HERC6: variants seen among roughly 807,000 people sequenced by gnomAD.
The protein encoded by HERC6 is HECT and RLD domain containing E3 ubiquitin protein ligase family member 6, also known as probable E3 ubiquitin-protein ligase HERC6.
A neutral mutation model predicts 114.5 loss-of-function variants in HERC6; 101 were observed. The ratio of observed to expected loss-of-function variants is 0.88; its 90% CI spans 0.75 to 1.04. The LOEUF (loss-of-function observed/expected upper bound fraction) is 1.04. Ranked by LOEUF, HERC6 falls within the 50% of genes least tolerant of loss-of-function variation. HERC6 has a pLI of 0.00. For missense variants in HERC6, 1,133 were observed against 1,230.9 expected, an observed-to-expected ratio of 0.92 and a Z score of 1.19; for synonymous variants, 408 against 436.2, an observed-to-expected ratio of 0.94 and a Z score of 0.81.
At chr4:88,397,499 A>G (rs1361695800) in intron 7 of HERC6, among the ~76,000 whole-genome samples, 1 of 151,826 alleles carries the variant, frequency 6.6e-6, no homozygotes, top group African/African-American at 2.4e-5. Context: ...TAAGTTCAAG[A>G]CCAGCCTGGC....
Position 88,403,801 on chromosome 4 carries a change from C to T in HERC6, c.1093-1075C>T, listed in dbSNP as rs2148890905. On this transcript the variant is annotated intron_variant, in intron 8 of 22. Coordinates refer to ENST00000264346, the MANE Select transcript of HERC6 (RefSeq NM_017912.4). ...AAATAAAAAAAATTTTAAAAAGGAA[C>T]CCAGAGAGGTAGGTATTATTATCTT... Among the ~76,000 whole-genome samples, 3 of 151,820 alleles carry T rather than the reference C, an allele frequency of 2.0e-5. No homozygotes were observed. In the South Asian group the frequency reaches 6.2e-4, roughly 32 times the overall value.
chr4:88,418,626 C>T (rs547939760), intron 13 of HERC6, among the ~76,000 whole-genome samples: 7 of 152,294 alleles, frequency 4.6e-5, no homozygotes, highest in Admixed American at 3.9e-4. Context: ...GGCACCGTGG[C>T]CTTGGCTCAT....
intron 13 of HERC6, among the ~76,000 whole-genome samples, chr4:88,422,437 G>A (rs1314379316): frequency 1.3e-5 from 2 of 152,112 alleles, no homozygotes; most frequent in Admixed American, 6.5e-5. Context: ...TTTTTAAAAG[G>A]TTAAGGAAAC....
At position 88,390,737 on chromosome 4, in the gene HERC6, GGTGAGGTCCC is replaced by G. The variant is rs1734869103; in HGVS notation, c.523_532del (p.Val175TrpfsTer56). On this transcript the variant is annotated frameshift_variant, in exon 4 of 23. Coordinates refer to ENST00000264346, the MANE Select transcript of HERC6 (RefSeq NM_017912.4). LOFTEE classifies it high-confidence loss of function. ...TCCCCTCCCAAGCCAGCCCGCAGAG[GGTGAGGTCCC>G]TGGAGGGGATCCCACTGGCTCAGGT... 6.2e-7 allele frequency: 1 copy of G among 1,614,096 alleles called. No individual in the cohort carries two copies. Among genetic ancestry groups the G allele is most frequent in the Admixed American group, 1.7e-5 (1 of 60,008 alleles).
rs536318673 is a variant in HERC6 at position 88,379,334 on chromosome 4, A to G, written c.199+214A>G. ...GATTCCTCGGGGCCCGAAGAGCCACAGGAACCAGGAAAATGGTGCCCTGTG... is the reference window on the plus strand; with the variant it reads ...GATTCCTCGGGGCCCGAAGAGCCACGGGAACCAGGAAAATGGTGCCCTGTG... On this transcript the variant is annotated intron_variant, in intron 1 of 22. Coordinates refer to ENST00000264346, the MANE Select transcript of HERC6 (RefSeq NM_017912.4). Among the ~76,000 whole-genome samples, 6 of 152,210 alleles carry G rather than the reference A, an allele frequency of 3.9e-5. No individual in the cohort carries two copies. The South Asian group carries it at 1.2e-3, about 32-fold the overall frequency.
chr4:88,432,487 A>T (rs1738326166), intron 17 of HERC6, among the ~76,000 whole-genome samples: 1 of 151,838 alleles, frequency 6.6e-6, no homozygotes, highest in African/African-American at 2.4e-5. Context: ...TGGGAGGCCG[A>T]GGTGGGGGGA....
intron 12 of HERC6, 136 bp from the exon 13 acceptor site, chr4:88,417,289 A>G (rs918874052): frequency 1.5e-5 from 13 of 880,792 alleles, no homozygotes; most frequent in Admixed American, 8.4e-5. Context: ...GGATATACTT[A>G]AAAAAGATAT....
chr4:88,381,516 C>G (rs183763205), intron 1 of HERC6, among the ~76,000 whole-genome samples: 80 of 150,392 alleles, frequency 5.3e-4, no homozygotes, highest in African/African-American at 1.9e-3. Context: ...GCAGGCTCAC[C>G]TCAGTGCCAA....
In HERC6 at chr4:88,405,539, T is replaced by C. The variant is rs748953145; in HGVS notation, c.1215-15T>C. ...ATTATATGTTGTGACTTACCCCTTG[T>C]TATTACTTTTACAGTGAAATTAGAA... On this transcript the variant is annotated splice_polypyrimidine_tract_variant and intron_variant, in intron 9 of 22. Transcript: ENST00000264346. The C allele has an allele frequency of 8.0e-6, 12 of 1,492,306 alleles. No homozygotes were observed. The East Asian group carries it at 1.4e-4, about 17-fold the overall frequency. The allele number at this position is 1,492,306 out of a possible 1,614,324, so 92.4% of individuals were successfully genotyped here.
intron 17 of HERC6, among the ~76,000 whole-genome samples, chr4:88,432,749 A>G (rs1560572734): frequency 6.6e-6 from 1 of 151,964 alleles, no homozygotes; most frequent in Non-Finnish European, 1.5e-5. Context: ...GGTGCTTAAA[A>G]AGGAAAAAAG....
chr4:88,433,485 C>G (rs974720280), intron 17 of HERC6, among the ~76,000 whole-genome samples: 2 of 152,102 alleles, frequency 1.3e-5, no homozygotes, highest in African/African-American at 2.4e-5. Context: ...TTAATCCACT[C>G]ATGGATTAAT....
At chr4:88,430,371 T>C (rs894057636) in intron 16 of HERC6, among the ~76,000 whole-genome samples, 11 of 151,728 alleles carry the variant, frequency 7.2e-5, no homozygotes, top group African/African-American at 2.7e-4. Context: ...GTGGGCGGAT[T>C]ACCAGCTGAG....
intron 2 of HERC6, 66 bp from the exon 3 acceptor site, chr4:88,385,433 T>G: frequency 6.8e-6 from 5 of 733,404 alleles, no homozygotes; most frequent in Non-Finnish European, 1.1e-5. Context: ...CTTTTAAATA[T>G]CTGTAGTCCA....
rs1407102654 is a variant in HERC6, at chr4:88,405,594, G to A, written c.1255G>A (p.Ala419Thr). The A allele has an allele frequency of 1.3e-6, 2 of 1,532,836 alleles. No homozygotes were observed. Among genetic ancestry groups the A allele is most frequent in the Non-Finnish European group, 1.8e-6 (2 of 1,127,380 alleles). 95.0% of individuals were successfully genotyped at this position (1,532,836 alleles called of 1,614,324 possible). A position where few individuals can be genotyped will look rare whatever the true frequency, so the allele number is the denominator to read the frequency against. Residue 419 changes from alanine (A) to threonine (T), a missense_variant, in exon 10 of 23, where the codon GCA becomes ACA. By Grantham distance (58) the Ala-to-Thr change is moderately conservative. Around this residue, in one of 3 missense-constraint regions of HERC6, gnomAD observed 735 missense variants for 754.0 expected, o/e 0.97. Coordinates refer to ENST00000264346, the MANE Select transcript of HERC6 (RefSeq NM_017912.4). ...MIFSSPACLT[A>T]SFLKKRGTGE... ...ATTTTCATCTCCTGCTTGTCTGACT[G>A]CAAGTTTTTTAAAGAAAAGGTAATA...
chr4:88,408,539 G>T lies in HERC6; in HGVS notation c.1290G>T (p.Thr430=). 1 of 1,597,540 alleles carries T rather than the reference G, an allele frequency of 6.3e-7. No homozygotes were observed. Among genetic ancestry groups the T allele is most frequent in the South Asian group, 1.1e-5 (1 of 87,850 alleles). ...GTATCCAAAGAGGAACTGGAGAAAC[G>T]ACTTCCATTGATGTGGACTTAGAAA... ...SFLKKRGTGE[T]TSIDVDLEMA... is the part of the protein sequence containing the mutation. The change falls in exon 11 of 23, where the codon ACG becomes ACT. Residue 430 remains threonine, a synonymous_variant. Transcript: ENST00000264346.
chr4:88,413,226 G>A lies in HERC6; in HGVS notation c.1518G>A (p.Lys506=). 6 of 1,613,124 alleles carry A rather than the reference G, an allele frequency of 3.7e-6. No individual in the cohort carries two copies. Among genetic ancestry groups the A allele is most frequent in the Non-Finnish European group, 5.1e-6 (6 of 1,179,578 alleles). ...AGAACCTGGTGGTTCCATTTGCAAA[G>A]GCTGTGTGTGAAATGAGTAAACAAT... ...NWKNLVVPFA[K]AVCEMSKQSL... The change falls in exon 12 of 23, where the codon AAG becomes AAA. Residue 506 remains lysine, a synonymous_variant. Transcript: ENST00000264346.
intron 3 of HERC6, among the ~76,000 whole-genome samples, chr4:88,386,837 A>T (rs1263059172): frequency 6.6e-6 from 1 of 152,152 alleles, no homozygotes; most frequent in Non-Finnish European, 1.5e-5. Flanking sequence ...CAGGTAAGAG[A>T]GGGGCAGAAA....
chr4:88,390,194 A>AAG (rs1734827336), intron 3 of HERC6, among the ~76,000 whole-genome samples: 2 of 151,270 alleles, frequency 1.3e-5, no homozygotes, highest in Admixed American at 1.3e-4. Flanking sequence ...AAAAAAAAAA[A>AAG]AAAAAAAGAA....
chr4:88,383,444 G>A (rs1734420506), intron 2 of HERC6, 64 bp downstream of exon 2: 1 of 1,277,656 alleles, frequency 7.8e-7, no homozygotes, highest in Non-Finnish European at 1.0e-6. Flanking sequence ...CAGGCACTGT[G>A]CAAGATGCCA....
Sources: gnomAD v4.1 joint callset for allele counts (sites outside exome capture counted in the v4.1 genomes callset) on GRCh38, gnomAD v4.1.1 for gene constraint, gnomAD v4.1.1 regional missense constraint, MANE v1.5 for transcripts, NCBI Gene and HGNC (gene_info 2026-07-23, HGNC 2026-07-21) for gene names.